The following SEMA3A variants were observed in gnomAD, a reference collection of about 807,000 sequenced individuals.
SEMA3A encodes semaphorin-3A.
SEMA3A carries 29 observed loss-of-function variants against 97.9 expected under a neutral mutation model. The ratio of observed to expected loss-of-function variants is 0.30; its 90% CI spans 0.22 to 0.40. The LOEUF (loss-of-function observed/expected upper bound fraction) is 0.40, where lower values mean the gene tolerates loss of function less well. SEMA3A is among the 10% of genes least tolerant of loss of function. SEMA3A has a pLI of 1.00. For synonymous variants in SEMA3A, 321 were observed against 323.7 expected, an observed-to-expected ratio of 0.99 and a Z score of 0.09; for missense variants, 763 against 951.3, an observed-to-expected ratio of 0.80 and a Z score of 2.60.
chr7:84,139,277 G>T (rs1011284715), intron 1 of SEMA3A, among the ~76,000 whole-genome samples: 1 of 152,050 alleles, frequency 6.6e-6, no homozygotes, highest in African/African-American at 2.4e-5. Flanking sequence ...ATAGGCCAAA[G>T]CTTTTAGAGG....
chr7:84,151,162 A>G (rs1175741660), intron 1 of SEMA3A, among the ~76,000 whole-genome samples: 1 of 151,856 alleles, frequency 6.6e-6, no homozygotes, highest in East Asian at 1.9e-4. Flanking sequence ...GAAAAACTGG[A>G]AACTCTAAAA....
chr7:84,376,428 C>T (rs1183766760), intron 1 of SEMA3A, among the ~76,000 whole-genome samples: 3 of 123,994 alleles, frequency 2.4e-5, no homozygotes, highest in Non-Finnish European at 5.3e-5. Context: ...CAGTGAAACC[C>T]CGTCTCTACT....
chr7:84,075,947 T>C (rs1286785807), intron 4 of SEMA3A, among the ~76,000 whole-genome samples: 4 of 152,194 alleles, frequency 2.6e-5, no homozygotes, highest in South Asian at 2.1e-4. Flanking sequence ...CTGTGCCTCA[T>C]TGTAAAATTA....
chr7:84,327,472 T>C (rs1038040870), intron 2 of SEMA3A, among the ~76,000 whole-genome samples: 1 of 151,884 alleles, frequency 6.6e-6, no homozygotes, highest in African/African-American at 2.4e-5. Flanking sequence ...ACCATTGATA[T>C]ATGCCAAGAA....
chr7:84,366,088 CACAG>C (rs1446541689), intron 2 of SEMA3A, among the ~76,000 whole-genome samples: 1 of 151,324 alleles, frequency 6.6e-6, no homozygotes, highest in Non-Finnish European at 1.5e-5. Flanking sequence ...TTAAACCTGT[CACAG>C]ACAGACACAT....
chr7:84,038,635 T>C (rs544788759), intron 6 of SEMA3A, among the ~76,000 whole-genome samples: 77 of 152,194 alleles, frequency 5.1e-4, no homozygotes, highest in African/African-American at 1.6e-3. Context: ...AAGATTATAG[T>C]TGATGACCCC....
intron 1 of SEMA3A, among the ~76,000 whole-genome samples, chr7:84,169,874 T>G (rs1338752337): frequency 6.6e-6 from 1 of 151,888 alleles, no homozygotes; most frequent in Non-Finnish European, 1.5e-5. Flanking sequence ...TCTTCAAGGT[T>G]GTTTAGCAGA....
At position 84,127,647 on chromosome 7, in the gene SEMA3A, T is replaced by C. The variant is rs1475106684; in HGVS notation, c.333+1476A>G. Among the ~76,000 whole-genome samples the C allele has an allele frequency of 2.0e-5, 3 of 152,202 alleles. No individual in the cohort carries two copies. The East Asian group carries it at 5.8e-4, about 29-fold the overall frequency. ...TATTAAGGATGGGGGATACCTGTGC[T>C]TTGTGATCCTTTATCTAACTTCCTT... is the stretch of plus-strand genomic sequence containing the variant. On this transcript the variant is annotated intron_variant, in intron 3 of 16. Transcript: ENST00000265362.
chr7:84,344,663 T>C (rs572011633), intron 2 of SEMA3A, among the ~76,000 whole-genome samples: 43 of 152,076 alleles, frequency 2.8e-4, no homozygotes, highest in Non-Finnish European at 5.6e-4. Flanking sequence ...CCTCAAGTCT[T>C]TGGCTGACCA....
chr7:84,457,706 T>A (rs1232771960), intron 1 of SEMA3A, among the ~76,000 whole-genome samples: 2 of 151,994 alleles, frequency 1.3e-5, no homozygotes, highest in African/African-American at 2.4e-5. Flanking sequence ...CCATTTGAAG[T>A]GTTCTGACTT....
intron 2 of SEMA3A, among the ~76,000 whole-genome samples, chr7:84,347,561 G>A (rs1185362818): frequency 4.0e-5 from 6 of 151,876 alleles, no homozygotes; most frequent in South Asian, 2.1e-4. Flanking sequence ...ACAGGCGTGC[G>A]CCACCACGCC....
intron 1 of SEMA3A, among the ~76,000 whole-genome samples, chr7:84,423,922 G>A (rs1804671556): frequency 6.6e-6 from 1 of 151,890 alleles, no homozygotes; most frequent in Non-Finnish European, 1.5e-5. Context: ...TCAGGGGAAT[G>A]CAAATTAAAA....
At chr7:84,204,383 T>C (rs1032442582) in intron 3 of SEMA3A, among the ~76,000 whole-genome samples, 2 of 152,194 alleles carry the variant, frequency 1.3e-5, no homozygotes, top group Admixed American at 6.5e-5. Flanking sequence ...ATATATTTTT[T>C]TATTGCCAAA....
chr7:84,074,502 G>A (rs2115767887), intron 4 of SEMA3A, among the ~76,000 whole-genome samples: 1 of 152,130 alleles, frequency 6.6e-6, no homozygotes, highest in East Asian at 1.9e-4. Context: ...ATTTAACTAT[G>A]ATTTACAGCC....
intron 1 of SEMA3A, among the ~76,000 whole-genome samples, chr7:84,181,262 T>G (rs1204607758): frequency 6.6e-6 from 1 of 150,674 alleles, no homozygotes; most frequent in Non-Finnish European, 1.5e-5. Flanking sequence ...TATATCTATT[T>G]CCTTTTCAAG....
At chr7:84,201,549 T>G (rs1454092121) in intron 3 of SEMA3A, among the ~76,000 whole-genome samples, 2 of 152,090 alleles carry the variant, frequency 1.3e-5, no homozygotes, top group East Asian at 3.9e-4. Context: ...CAGGTTTAAT[T>G]TCACTGCCTT....
intron 4 of SEMA3A, among the ~76,000 whole-genome samples, chr7:84,091,138 AGGAAG>A (rs1562774073): frequency 7.3e-4 from 17 of 23,286 alleles, no homozygotes; most frequent in African/African-American, 2.0e-3. Flanking sequence ...GAAAGAAAGA[AGGAAG>A]GAAGGAAGGA....
intron 4 of SEMA3A, among the ~76,000 whole-genome samples, chr7:84,103,302 G>A (rs747833277): frequency 2.0e-5 from 3 of 151,944 alleles, no homozygotes; most frequent in Non-Finnish European, 4.4e-5. Flanking sequence ...TATCGAGTCA[G>A]GCTTTGTTTC....
intron 1 of SEMA3A, among the ~76,000 whole-genome samples, chr7:84,478,852 A>G (rs1483828262): frequency 6.6e-6 from 1 of 152,042 alleles, no homozygotes; most frequent in East Asian, 1.9e-4. Flanking sequence ...AGCAATAGCT[A>G]TAGAAAATAT....
Sources: gnomAD v4.1 joint callset for allele counts (sites outside exome capture counted in the v4.1 genomes callset) on GRCh38, gnomAD v4.1.1 for gene constraint, MANE v1.5 for transcripts, NCBI Gene and HGNC (gene_info 2026-07-23, HGNC 2026-07-21) for gene names.